Variants in ECI1 observed in about 807,000 individuals in gnomAD.
ECI1 encodes enoyl-CoA delta isomerase 1, mitochondrial.
ECI1 carries 34 observed loss-of-function variants against 34.2 expected under a neutral mutation model. That is an observed-to-expected ratio of 1.00 (90% CI 0.76 to 1.33). The LOEUF (loss-of-function observed/expected upper bound fraction) is 1.33. Among genes scored for constraint, ECI1 ranks in the 40% most tolerant of loss-of-function variants. The probability of loss-of-function intolerance (pLI) is 0.00; values close to 1 mark genes in which losing one functional copy is unlikely to be tolerated. For missense variants in ECI1, 456 were observed against 422.2 expected (o/e 1.08, Z -0.70); for synonymous variants, 211 against 193.0 (o/e 1.09, Z -0.77).
chr16:2,247,033 A>G (rs1463638225), intron 2 of ECI1, 47 bp from the exon 3 acceptor site: 1 of 1,604,400 alleles, frequency 6.2e-7, no homozygotes, highest in South Asian at 1.1e-5. Context: ...GCACTGGAAA[A>G]GCAGCCTGAC....
chr16:2,250,627 G>C (rs553567747), intron 2 of ECI1, among the ~76,000 whole-genome samples: 1 of 152,370 alleles, frequency 6.6e-6, no homozygotes, highest in South Asian at 2.1e-4. Flanking sequence ...GGAGCGCACA[G>C]GCTTCTCTTC....
intron 3 of ECI1, 92 bp downstream of exon 3, chr16:2,246,767 T>C (rs1596787288): frequency 6.3e-7 from 1 of 1,588,008 alleles, no homozygotes; most frequent in East Asian, 2.2e-5. Flanking sequence ...GTTGGCAGGC[T>C]CTGCCTCTTC....
In ECI1 at chr16:2,239,840, CTA is replaced by C. The variant is rs1216382804; in HGVS notation, c.*137_*138del. ...TGTGGCTGGGCCTTGGGCCACTGGG[CTA>C]TGAGGAACAGGAACTTCTACGTAAC... is the stretch of plus-strand genomic sequence containing the variant. On this transcript the variant is annotated 3_prime_UTR_variant, in exon 7 of 7. Transcript: ENST00000301729. 14 of 940,386 alleles carry C rather than the reference CTA, an allele frequency of 1.5e-5. No homozygotes were observed. Among genetic ancestry groups the C allele is most frequent in the Non-Finnish European group, 2.4e-5 (14 of 590,700 alleles). 58.3% of individuals were successfully genotyped at this position (940,386 alleles called of 1,614,324 possible). A position where few individuals can be genotyped will look rare whatever the true frequency, so the allele number is the denominator to read the frequency against.
chr16:2,250,261 CAAAAAA>C (rs560687371), intron 2 of ECI1, among the ~76,000 whole-genome samples: 16 of 67,636 alleles, frequency 2.4e-4, no homozygotes, highest in African/African-American at 1.0e-3. Flanking sequence ...ACTACATCTC[CAAAAAA>C]AAAAAAAAAA....
chr16:2,251,295 C>A (rs1248269126), intron 2 of ECI1, 21 bp downstream of exon 2: 1 of 1,151,430 alleles, frequency 8.7e-7, no homozygotes, highest in Non-Finnish European at 1.1e-6. Flanking sequence ...CGCCCGCCCT[C>A]CCTCGGCGCC....
At chr16:2,247,491 G>C (rs141036593) in intron 2 of ECI1, among the ~76,000 whole-genome samples, 2 of 152,146 alleles carry the variant, frequency 1.3e-5, no homozygotes, top group Admixed American at 6.5e-5. Flanking sequence ...TCTGCCTCTT[G>C]GGTTCAAGCG....
intron 2 of ECI1, among the ~76,000 whole-genome samples, chr16:2,250,702 G>A (rs35779268): frequency 0.11 from 16,286 of 152,300 alleles, 1,118 homozygotes; most frequent in Middle Eastern, 0.16. Flanking sequence ...GGGTAGGTAC[G>A]AGGTTCTGTG....
chr16:2,247,014 T>TCACAC (rs767811781), intron 2 of ECI1, 28 bp from the exon 3 acceptor site: 10 of 1,609,758 alleles, frequency 6.2e-6, no homozygotes, highest in Non-Finnish European at 8.5e-6. Context: ...AAGAGAAAGC[T>TCACAC]CACACCTGGC....
intron 2 of ECI1, among the ~76,000 whole-genome samples, chr16:2,249,250 C>T (rs1416822897): frequency 6.6e-6 from 1 of 151,670 alleles, no homozygotes; most frequent in Non-Finnish European, 1.5e-5. Context: ...GGGGTTTCAC[C>T]GTGTTAGCCA....
chr16:2,244,211 C>T, intron 4 of ECI1, 195 bp downstream of exon 4: 1 of 673,732 alleles, frequency 1.5e-6, no homozygotes, highest in Non-Finnish European at 2.6e-6. Context: ...TGACCCAGGC[C>T]AGGGCCCTCA....
chr16:2,247,001 G>C lies in ECI1; in HGVS notation c.167-15C>G. ...CACAGCGACCCCTAATTTAAAGAAT[G>C]AGAAGAGAAAGCTCACACCTGGCAC... On this transcript the variant is annotated splice_polypyrimidine_tract_variant and intron_variant, in intron 2 of 6. Coordinates refer to ENST00000301729, the MANE Select transcript of ECI1 (RefSeq NM_001919.4). The C allele has an allele frequency of 6.2e-7, 1 of 1,611,858 alleles. No homozygotes were observed. The highest frequency in any genetic ancestry group is 8.5e-7 in the Non-Finnish European group (1 of 1,179,568).
chr16:2,243,534 C>T (rs544324568), intron 4 of ECI1, 95 bp from the exon 5 acceptor site: 31 of 1,496,428 alleles, frequency 2.1e-5, no homozygotes, highest in Non-Finnish European at 2.7e-5. Context: ...GTGCCCTTGG[C>T]GCACCCCGAC....
At chr16:2,246,591 A>G (rs1567314228) in intron 3 of ECI1, among the ~76,000 whole-genome samples, 18 of 152,146 alleles carry the variant, frequency 1.2e-4, no homozygotes. Flanking sequence ...TCTCCTGGGA[A>G]GGCTGTCTCT....
chr16:2,246,760 G>A, intron 3 of ECI1, 99 bp downstream of exon 3: 3 of 1,577,534 alleles, frequency 1.9e-6, no homozygotes, highest in Admixed American at 1.7e-5. Context: ...GCCACACGTT[G>A]GCAGGCTCTG....
intron 3 of ECI1, among the ~76,000 whole-genome samples, chr16:2,245,035 G>C (rs540556069): frequency 6.6e-6 from 1 of 152,306 alleles, no homozygotes; most frequent in East Asian, 1.9e-4. Flanking sequence ...CAGCTACCAA[G>C]GAAGGGCGAG....
At chr16:2,249,961 G>T in intron 2 of ECI1, among the ~76,000 whole-genome samples, 1 of 146,482 alleles carries the variant, frequency 6.8e-6, no homozygotes, top group East Asian at 2.0e-4. Context: ...GCAGTGAGCC[G>T]GAACCGCGCC....
intron 6 of ECI1, 72 bp from the exon 7 acceptor site, chr16:2,240,217 A>T (rs938279567): frequency 2.1e-5 from 29 of 1,358,900 alleles, no homozygotes; most frequent in South Asian, 3.9e-5. Flanking sequence ...CTTATTTTTT[A>T]TTTTTATTTT....
In ECI1 at chr16:2,246,997, G is replaced by C; in HGVS notation, c.167-11C>G. On this transcript the variant is annotated splice_polypyrimidine_tract_variant and intron_variant, in intron 2 of 6. Transcript: ENST00000301729. ...TCATCACAGCGACCCCTAATTTAAAGAATGAGAAGAGAAAGCTCACACCTG... is the reference window on the plus strand; with the variant it reads ...TCATCACAGCGACCCCTAATTTAAACAATGAGAAGAGAAAGCTCACACCTG... 1 of 1,612,242 alleles carries C rather than the reference G, an allele frequency of 6.2e-7. No homozygotes were observed. Among genetic ancestry groups the C allele is most frequent in the Non-Finnish European group, 8.5e-7 (1 of 1,179,698 alleles).
chr16:2,250,463 G>A (rs931145604), intron 2 of ECI1, among the ~76,000 whole-genome samples: 1 of 152,020 alleles, frequency 6.6e-6, no homozygotes, highest in East Asian at 1.9e-4. Flanking sequence ...GAGGGCAGGG[G>A]CTGTGACTTA....
Sources: gnomAD v4.1 joint callset for allele counts (sites outside exome capture counted in the v4.1 genomes callset) on GRCh38, gnomAD v4.1.1 for gene constraint, MANE v1.5 for transcripts, NCBI Gene and HGNC (gene_info 2026-07-23, HGNC 2026-07-21) for gene names.